TG: variants seen among roughly 807,000 people sequenced by gnomAD.
TG encodes thyroid hormones.
In TG, 270 loss-of-function variants were observed where a neutral mutation model predicts 324.7. That is an observed-to-expected ratio of 0.83 (90% CI 0.75 to 0.92). The LOEUF (loss-of-function observed/expected upper bound fraction) is 0.92, where lower values mean the gene tolerates loss of function less well. Ranked by LOEUF, TG falls within the 40% of genes least tolerant of loss-of-function variation. TG has a pLI of 0.00. For synonymous variants in TG, 1,401 were observed against 1,327.0 expected (o/e 1.06, Z -1.21); for missense variants, 3,591 against 3,456.4 (o/e 1.04, Z -0.98).
intron 10 of TG, among the ~76,000 whole-genome samples, chr8:132,891,796 C>T (rs2132205219): frequency 6.6e-6 from 1 of 152,150 alleles, no homozygotes; most frequent in South Asian, 2.1e-4. Flanking sequence ...TCCTTTTGAA[C>T]AAAAAAACAA....
chr8:132,939,663 GTT>G (rs766831555), intron 25 of TG, among the ~76,000 whole-genome samples: 4 of 125,402 alleles, frequency 3.2e-5, no homozygotes, highest in African/African-American at 1.0e-4. Context: ...AGTCTATGGG[GTT>G]TTTTTTTTTT....
chr8:133,107,982 C>CTTTT (rs377363035), intron 43 of TG, among the ~76,000 whole-genome samples: 1 of 134,110 alleles, frequency 7.5e-6, no homozygotes, highest in Non-Finnish European at 1.6e-5. Flanking sequence ...TTCTTTTCTT[C>CTTTT]TTTTTTTTTT....
chr8:132,931,102 A>G (rs1822654583), intron 23 of TG, among the ~76,000 whole-genome samples: 1 of 152,196 alleles, frequency 6.6e-6, no homozygotes, highest in Non-Finnish European at 1.5e-5. Flanking sequence ...AGGTGTTGGC[A>G]GGGTTGGTTG....
intron 31 of TG, 26 bp downstream of exon 31, chr8:132,967,996 A>C: frequency 6.2e-7 from 1 of 1,611,264 alleles, no homozygotes; most frequent in Non-Finnish European, 8.5e-7. Flanking sequence ...GATCTGCATA[A>C]ACTGTATTTC....
At chr8:133,090,837 G>C (rs968232877) in intron 41 of TG, among the ~76,000 whole-genome samples, 11 of 152,126 alleles carry the variant, frequency 7.2e-5, no homozygotes, top group African/African-American at 2.7e-4. Context: ...TGGAACAAGA[G>C]CCATGAGCTT....
At chr8:132,960,896 G>A in intron 27 of TG, 112 bp from the exon 28 acceptor site, 1 of 1,101,224 alleles carries the variant, frequency 9.1e-7, no homozygotes, top group East Asian at 2.4e-5. Flanking sequence ...GGGAAACAGA[G>A]TTTTCAGGCC....
chr8:132,882,709 T>G (rs770537104), intron 7 of TG, 97 bp downstream of exon 7: 3 of 1,611,538 alleles, frequency 1.9e-6, no homozygotes, highest in Admixed American at 1.7e-5. Flanking sequence ...TCCACCAAAG[T>G]GAGGGCAGAG....
chr8:132,922,449 G>A (rs528829004), intron 21 of TG, among the ~76,000 whole-genome samples: 5 of 152,276 alleles, frequency 3.3e-5, no homozygotes, highest in East Asian at 1.9e-4. Flanking sequence ...CGAGTGGGAG[G>A]CAGGCAGTCA....
At position 132,957,738 on chromosome 8, in the gene TG, A is replaced by C. The variant is rs1012149464; in HGVS notation, c.5402-3270A>C. On this transcript the variant is annotated intron_variant, in intron 27 of 47. Coordinates refer to ENST00000220616, the MANE Select transcript of TG (RefSeq NM_003235.5). Reference sequence around the variant, plus strand: ...CCAAATTCCCCAGTGATTTCATGGTAAACTACACACACACACACACACACA... The same window carrying C: ...CCAAATTCCCCAGTGATTTCATGGTCAACTACACACACACACACACACACA... 5.8e-4 allele frequency among the ~76,000 whole-genome samples: 29 copies of C among 50,420 alleles called. 1 individual carries two copies. The highest frequency in any genetic ancestry group is 1.8e-3 in the African/African-American group (29 of 16,154). The allele number at this position is 50,420 out of a possible 152,430, so 33.1% of individuals were successfully genotyped here.
At chr8:133,034,125 G>T (rs1836875206) in intron 41 of TG, among the ~76,000 whole-genome samples, 1 of 152,166 alleles carries the variant, frequency 6.6e-6, no homozygotes, top group African/African-American at 2.4e-5. Flanking sequence ...GCTTCTACAT[G>T]TATTTTAGAA....
intron 41 of TG, chr8:133,048,844 A>G (rs1839924679): frequency 1.0e-5 from 2 of 190,962 alleles, no homozygotes; most frequent in South Asian, 1.8e-4. Context: ...AAGATCATGA[A>G]TACTAAAATT....
chr8:133,018,079 C>A, intron 38 of TG, 82 bp downstream of exon 38: 1 of 1,342,194 alleles, frequency 7.5e-7, no homozygotes, highest in Non-Finnish European at 1.1e-6. Context: ...GACTCAGTAG[C>A]AGAGCAGTGC....
intron 41 of TG, chr8:133,047,543 C>T (rs997574775): frequency 8.9e-6 from 4 of 447,236 alleles, no homozygotes; most frequent in Non-Finnish European, 1.7e-5. Context: ...CTACACACTG[C>T]GTTCAGTTTT....
intron 43 of TG, among the ~76,000 whole-genome samples, chr8:133,111,738 C>A (rs1009744370): frequency 6.6e-6 from 1 of 152,198 alleles, no homozygotes; most frequent in South Asian, 2.1e-4. Context: ...CTTACATGAT[C>A]ATGGTCAAAA....
In TG at chr8:133,128,245, C is replaced by T. The variant is rs3779948; in HGVS notation, c.7863-3567C>T. On this transcript the variant is annotated intron_variant, in intron 45 of 47. Coordinates refer to ENST00000220616, the MANE Select transcript of TG (RefSeq NM_003235.5). ...ACAGCAGGCATTCGGCAACTGTGGG[C>T]GGAGCAGGGTCTTAGTCCCAACACC... is the stretch of plus-strand genomic sequence containing the variant. 7.3e-4 allele frequency among the ~76,000 whole-genome samples: 110 copies of T among 151,708 alleles called. 2 individuals are homozygous for T. The East Asian group carries it at 0.017, about 24-fold the overall frequency.
chr8:132,894,080 G>T lies in TG; in HGVS notation c.3001+151G>T. On this transcript the variant is annotated intron_variant, in intron 11 of 47. Transcript: ENST00000220616. ...AAGGAAAAGGCAAAGTGGTTTGGGG[G>T]CACCAGTCAAAGCTGGAATGCTGCA... 3 of 1,209,510 alleles carry T rather than the reference G, an allele frequency of 2.5e-6. No individual in the cohort carries two copies. The South Asian group carries it at 3.9e-5, about 16-fold the overall frequency. The allele number at this position is 1,209,510 out of a possible 1,614,324, so 74.9% of individuals were successfully genotyped here. A position where few individuals can be genotyped will look rare whatever the true frequency, so the allele number is the denominator to read the frequency against.
intron 29 of TG, chr8:132,964,805 T>C: frequency 1.5e-6 from 1 of 679,764 alleles, no homozygotes. Flanking sequence ...TGCATGACAG[T>C]GTGGCAAGGG....
At chr8:132,993,727 A>G (rs1304255378) in intron 35 of TG, among the ~76,000 whole-genome samples, 2 of 152,194 alleles carry the variant, frequency 1.3e-5, no homozygotes, top group Non-Finnish European at 2.9e-5. Context: ...GAAGATGGGG[A>G]AAATATATGG....
intron 10 of TG, among the ~76,000 whole-genome samples, chr8:132,890,294 T>C (rs554467317): frequency 6.6e-6 from 1 of 152,306 alleles, no homozygotes; most frequent in Non-Finnish European, 1.5e-5. Context: ...AAAATCTTCA[T>C]GTAGTGTATT....
Sources: gnomAD v4.1 joint callset for allele counts (sites outside exome capture counted in the v4.1 genomes callset) on GRCh38, gnomAD v4.1.1 for gene constraint, MANE v1.5 for transcripts, NCBI Gene and HGNC (gene_info 2026-07-23, HGNC 2026-07-21) for gene names.